TSC22D1: variants seen among roughly 807,000 people sequenced by gnomAD.
TSC22D1 encodes TSC22 domain family protein 1.
TSC22D1 carries 9 observed loss-of-function variants against 74.2 expected under a neutral mutation model. That is an observed-to-expected ratio of 0.12 (90% CI 0.07 to 0.21). The LOEUF (loss-of-function observed/expected upper bound fraction) is 0.21. Ranked by LOEUF, TSC22D1 falls within the 10% of genes least tolerant of loss-of-function variation. The pLI is 1.00. For synonymous variants in TSC22D1, 586 were observed against 492.5 expected (o/e 1.19, Z -2.51); for missense variants, 1,427 against 1,304.7 (o/e 1.09, Z -1.44).
intron 1 of TSC22D1, among the ~76,000 whole-genome samples, chr13:44,446,873 A>C (rs1875719141): frequency 1.0e-4 from 1 of 9,946 alleles, no homozygotes; most frequent in African/African-American, 1.4e-4. Flanking sequence ...AAGAAAAAGA[A>C]ACATATTTTT....
At chr13:44,493,230 T>C (rs576048199) in intron 1 of TSC22D1, among the ~76,000 whole-genome samples, 1 of 152,298 alleles carries the variant, frequency 6.6e-6, no homozygotes, top group Admixed American at 6.5e-5. Context: ...CTCCCTGATT[T>C]AGTGACAATC....
intron 1 of TSC22D1, among the ~76,000 whole-genome samples, chr13:44,469,878 T>C (rs1390441891): frequency 6.6e-6 from 1 of 152,208 alleles, no homozygotes; most frequent in Non-Finnish European, 1.5e-5. Context: ...AGCTAATTTA[T>C]CAGTTATTTC....
intron 1 of TSC22D1, among the ~76,000 whole-genome samples, chr13:44,558,477 T>C (rs575564099): frequency 7.2e-5 from 11 of 152,192 alleles, no homozygotes; most frequent in Non-Finnish European, 1.6e-4. Flanking sequence ...TGGTGGCTCA[T>C]GCCTGTAATC....
chr13:44,512,873 C>T (rs867872417), intron 1 of TSC22D1, among the ~76,000 whole-genome samples: 1 of 152,134 alleles, frequency 6.6e-6, no homozygotes, highest in Admixed American at 6.5e-5. Flanking sequence ...TGGTCTCGAT[C>T]TCTTGACCTT....
chr13:44,469,323 C>A (rs1877466057), intron 1 of TSC22D1, among the ~76,000 whole-genome samples: 1 of 152,182 alleles, frequency 6.6e-6, no homozygotes, highest in African/African-American at 2.4e-5. Flanking sequence ...TCTTAAGCCA[C>A]ATTTAAAATG....
chr13:44,439,111 TCAAG>T (rs1345580165), intron 1 of TSC22D1, among the ~76,000 whole-genome samples: 19 of 152,230 alleles, frequency 1.2e-4, no homozygotes, highest in African/African-American at 4.3e-4. Context: ...ATCCATTGTA[TCAAG>T]CAAGAGAAGC....
intron 1 of TSC22D1, among the ~76,000 whole-genome samples, chr13:44,440,386 C>T (rs1875090815): frequency 6.6e-6 from 1 of 151,882 alleles, no homozygotes; most frequent in South Asian, 2.1e-4. Flanking sequence ...CAAGACCAGC[C>T]TTGCCAACAT....
At chr13:44,481,215 TG>T (rs1167421454) in intron 1 of TSC22D1, among the ~76,000 whole-genome samples, 1 of 151,866 alleles carries the variant, frequency 6.6e-6, no homozygotes, top group Non-Finnish European at 1.5e-5. Flanking sequence ...AGGATGGAAA[TG>T]GGATCCTCGG....
chr13:44,567,181 C>T (rs1419888168), intron 1 of TSC22D1, among the ~76,000 whole-genome samples: 4 of 152,156 alleles, frequency 2.6e-5, no homozygotes, highest in Admixed American at 6.5e-5. Context: ...CCCCTCACTG[C>T]CCACCCCACA....
At chr13:44,443,557 A>G (rs1158906369) in intron 1 of TSC22D1, among the ~76,000 whole-genome samples, 1 of 152,216 alleles carries the variant, frequency 6.6e-6, no homozygotes, top group African/African-American at 2.4e-5. Context: ...AATCTAAGAT[A>G]ACTGACTGTT....
At position 44,508,500 on chromosome 13, in the gene TSC22D1, C is replaced by T. The variant is rs1879540658; in HGVS notation, c.2912+64663G>A. Among the ~76,000 whole-genome samples the T allele has an allele frequency of 2.0e-5, 3 of 152,124 alleles. No homozygotes were observed. In the South Asian group the frequency reaches 6.2e-4, roughly 32 times the overall value. On this transcript the variant is annotated intron_variant, in intron 1 of 2. Coordinates refer to ENST00000458659, the MANE Select transcript of TSC22D1 (RefSeq NM_183422.4). ...GAAACGAATCAGTTTAACACTGCCA[C>T]CTGGATAACATAAATCATGTCCCAA...
intron 1 of TSC22D1, among the ~76,000 whole-genome samples, chr13:44,570,321 G>GCTGGAA (rs1002605855): frequency 2.0e-5 from 3 of 151,732 alleles, no homozygotes; most frequent in African/African-American, 7.3e-5. Flanking sequence ...CTTCCAGGTA[G>GCTGGAA]CTGGAACTAC....
chr13:44,493,818 G>A (rs1878830159), intron 1 of TSC22D1, among the ~76,000 whole-genome samples: 1 of 152,168 alleles, frequency 6.6e-6, no homozygotes, highest in African/African-American at 2.4e-5. Context: ...GTAGTGGTGA[G>A]GTGGGTGGTG....
chr13:44,438,444 T>C (rs1187292730), intron 1 of TSC22D1, among the ~76,000 whole-genome samples: 1 of 152,164 alleles, frequency 6.6e-6, no homozygotes. Context: ...TGGGGGTAGG[T>C]AGATTTGGTT....
At chr13:44,491,053 C>A (rs979605356) in intron 1 of TSC22D1, among the ~76,000 whole-genome samples, 9 of 151,736 alleles carry the variant, frequency 5.9e-5, no homozygotes, top group Non-Finnish European at 8.8e-5. Flanking sequence ...GTGGTCCCAG[C>A]CACTTGGGAG....
chr13:44,562,396 T>C (rs976290462), intron 1 of TSC22D1, among the ~76,000 whole-genome samples: 4 of 152,202 alleles, frequency 2.6e-5, no homozygotes, highest in African/African-American at 7.2e-5. Context: ...ATCCTTATAC[T>C]TTGAAAATGA....
intron 1 of TSC22D1, among the ~76,000 whole-genome samples, chr13:44,453,388 T>C (rs1317323968): frequency 6.6e-6 from 1 of 152,218 alleles, no homozygotes; most frequent in African/African-American, 2.4e-5. Flanking sequence ...CTACCAAACT[T>C]AACAAGGAAC....
intron 1 of TSC22D1, among the ~76,000 whole-genome samples, chr13:44,571,645 A>G (rs1331969164): frequency 6.6e-6 from 1 of 152,182 alleles, no homozygotes; most frequent in Non-Finnish European, 1.5e-5. Context: ...AAAAACATTA[A>G]TATTTGTGGT....
chr13:44,539,389 T>TTTGA (rs1881331696), intron 1 of TSC22D1: 1 of 985,258 alleles, frequency 1.0e-6, no homozygotes, highest in African/African-American at 1.7e-5. Flanking sequence ...TAAATTAGAC[T>TTTGA]TCAAATGTCC....
Sources: allele counts gnomAD v4.1 joint callset (sites outside exome capture counted in the v4.1 genomes callset), GRCh38; gene constraint gnomAD v4.1.1; transcripts MANE v1.5; gene names NCBI Gene and HGNC (gene_info 2026-07-23, HGNC 2026-07-21).